The following STXBP5L variants were observed in gnomAD, a reference collection of about 807,000 sequenced individuals.
STXBP5L encodes syntaxin-binding protein 5-like.
STXBP5L carries 65 observed loss-of-function variants against 144.5 expected under a neutral mutation model. The observed-to-expected ratio is 0.45, with a 90% confidence interval of 0.37 to 0.55. STXBP5L has a LOEUF of 0.55. Among genes scored for constraint, STXBP5L ranks in the 20% least tolerant of loss-of-function variants. STXBP5L has a pLI of 0.00. For missense variants in STXBP5L, 1,298 were observed against 1,405.5 expected, an observed-to-expected ratio of 0.92 and a Z score of 1.22; for synonymous variants, 505 against 469.6, an observed-to-expected ratio of 1.08 and a Z score of -0.97.
At chr3:121,232,385 T>A (rs1195354651) in intron 11 of STXBP5L, among the ~76,000 whole-genome samples, 2 of 152,080 alleles carry the variant, frequency 1.3e-5, no homozygotes, top group African/African-American at 2.4e-5. Context: ...AGAGATTAAT[T>A]CACCACAAAA....
At chr3:121,037,886 T>C (rs1460408615) in intron 3 of STXBP5L, among the ~76,000 whole-genome samples, 1 of 152,096 alleles carries the variant, frequency 6.6e-6, no homozygotes, top group Non-Finnish European at 1.5e-5. Flanking sequence ...TTGTGTAATT[T>C]ATGTCTTTCT....
chr3:121,353,388 AC>A (rs1182040627), intron 20 of STXBP5L, among the ~76,000 whole-genome samples: 1 of 151,982 alleles, frequency 6.6e-6, no homozygotes, highest in Non-Finnish European at 1.5e-5. Context: ...CAGAGATTCA[AC>A]TTTTTCCTGG....
At chr3:121,374,464 A>G in intron 20 of STXBP5L, among the ~76,000 whole-genome samples, 1 of 152,220 alleles carries the variant, frequency 6.6e-6, no homozygotes, top group Non-Finnish European at 1.5e-5. Context: ...CCCAAAGGAA[A>G]AAAAAGATCT....
chr3:121,327,074 C>G (rs1279181026), intron 20 of STXBP5L, among the ~76,000 whole-genome samples: 1 of 152,080 alleles, frequency 6.6e-6, no homozygotes, highest in Non-Finnish European at 1.5e-5. Flanking sequence ...AACCAATGAT[C>G]TGACTGAGAC....
Position 121,039,144 on chromosome 3 carries a change from T to C in STXBP5L, c.288-2556T>C, listed in dbSNP as rs1365817103. 3.9e-5 allele frequency among the ~76,000 whole-genome samples: 6 copies of C among 151,906 alleles called. No homozygotes were observed. The East Asian group carries it at 9.6e-4, about 24-fold the overall frequency. Reference sequence around the variant, plus strand: ...GGTATAAATCTACCATCTTGCTCTTTGTTTTCTATTTATCTTACTAGTTCT... The same window carrying C: ...GGTATAAATCTACCATCTTGCTCTTCGTTTTCTATTTATCTTACTAGTTCT... On this transcript the variant is annotated intron_variant, in intron 3 of 26. Transcript: ENST00000471454.
Position 121,250,717 on chromosome 3 carries a change from A to G in STXBP5L, c.1401-6A>G. The G allele has an allele frequency of 6.2e-7, 1 of 1,606,208 alleles. No homozygotes were observed. The highest frequency in any genetic ancestry group is 1.1e-5 in the South Asian group (1 of 90,118). On this transcript the variant is annotated splice_polypyrimidine_tract_variant and splice_region_variant and intron_variant, in intron 14 of 26. Coordinates refer to ENST00000471454, the MANE Select transcript of STXBP5L (RefSeq NM_001308330.2). ...TTTAATTAATGCTAATTTATTTCTC[A>G]TCTAGTCATGCAGATGGATCAATAA... is the stretch of plus-strand genomic sequence containing the variant.
At chr3:121,214,821 A>T (rs973416064) in intron 10 of STXBP5L, among the ~76,000 whole-genome samples, 8 of 152,168 alleles carry the variant, frequency 5.3e-5, no homozygotes, top group Non-Finnish European at 1.0e-4. Flanking sequence ...GTCTCCCACT[A>T]TTATTGTGTG....
intron 3 of STXBP5L, among the ~76,000 whole-genome samples, chr3:121,022,321 T>C (rs914099613): frequency 2.0e-5 from 3 of 152,124 alleles, no homozygotes; most frequent in Non-Finnish European, 4.4e-5. Flanking sequence ...CAGGACCAGA[T>C]GGATTAACAG....
intron 5 of STXBP5L, among the ~76,000 whole-genome samples, chr3:121,105,845 A>G (rs1232058568): frequency 6.6e-6 from 1 of 152,166 alleles, no homozygotes. Context: ...TTCTGGTTGT[A>G]GTTTTTTGTA....
At chr3:121,322,052 T>C (rs12495721) in intron 20 of STXBP5L, among the ~76,000 whole-genome samples, 5,252 of 152,194 alleles carry the variant, frequency 0.035, 340 homozygotes, top group Admixed American at 0.17. Flanking sequence ...ATGGTTGCCA[T>C]CCTTATGTCC....
chr3:121,333,073 T>A (rs1272004905), intron 20 of STXBP5L, among the ~76,000 whole-genome samples: 1 of 151,856 alleles, frequency 6.6e-6, no homozygotes, highest in East Asian at 1.9e-4. Flanking sequence ...ATAAAAAAAA[T>A]GCTAAAAGGG....
chr3:121,105,103 A>G (rs1270430389), intron 5 of STXBP5L, among the ~76,000 whole-genome samples: 1 of 152,198 alleles, frequency 6.6e-6, no homozygotes, highest in Non-Finnish European at 1.5e-5. Flanking sequence ...AGTTCTCAAA[A>G]GATGTACAAG....
chr3:121,165,130 T>A (rs2046455956), intron 9 of STXBP5L, among the ~76,000 whole-genome samples: 1 of 152,232 alleles, frequency 6.6e-6, no homozygotes, highest in East Asian at 1.9e-4. Context: ...TAACGTCATG[T>A]TGTATACCTT....
At chr3:120,949,768 A>C (rs984101746) in intron 2 of STXBP5L, among the ~76,000 whole-genome samples, 1 of 151,922 alleles carries the variant, frequency 6.6e-6, no homozygotes, top group African/African-American at 2.4e-5. Flanking sequence ...ATTCTGTTCC[A>C]TTTGTCTACA....
chr3:121,230,005 A>G (rs906524236), intron 11 of STXBP5L, among the ~76,000 whole-genome samples: 1 of 152,152 alleles, frequency 6.6e-6, no homozygotes, highest in Non-Finnish European at 1.5e-5. Flanking sequence ...TTCAGTTTTT[A>G]TCGTATTTGA....
chr3:121,154,986 A>G (rs2046063802), intron 8 of STXBP5L, among the ~76,000 whole-genome samples: 1 of 151,800 alleles, frequency 6.6e-6, no homozygotes, highest in South Asian at 2.1e-4. Context: ...GTCCTAGTTT[A>G]AGTTGTTATC....
intron 3 of STXBP5L, among the ~76,000 whole-genome samples, chr3:120,988,168 C>CT (rs894588675): frequency 3.4e-5 from 5 of 146,856 alleles, no homozygotes; most frequent in East Asian, 2.0e-4. Context: ...TTATTTTGCT[C>CT]TTTTTTTCTA....
At chr3:121,343,760 A>T (rs1173883759) in intron 20 of STXBP5L, among the ~76,000 whole-genome samples, 1 of 152,160 alleles carries the variant, frequency 6.6e-6, no homozygotes, top group Non-Finnish European at 1.5e-5. Context: ...GACATAAACA[A>T]ATGGAAGAAC....
intron 2 of STXBP5L, among the ~76,000 whole-genome samples, chr3:120,931,893 A>T (rs1709960538): frequency 6.6e-6 from 1 of 152,208 alleles, no homozygotes; most frequent in South Asian, 2.1e-4. Flanking sequence ...ATACAGTCAC[A>T]TGTAACTTAA....
Sources: allele counts gnomAD v4.1 joint callset (sites outside exome capture counted in the v4.1 genomes callset), GRCh38; gene constraint gnomAD v4.1.1; transcripts MANE v1.5; gene names NCBI Gene and HGNC (gene_info 2026-07-23, HGNC 2026-07-21).